The following JAK1 variants were observed in gnomAD, a reference collection of about 807,000 sequenced individuals.
JAK1 encodes the protein Janus kinase 1.
A neutral mutation model predicts 136.6 loss-of-function variants in JAK1; 16 were observed. That is an observed-to-expected ratio of 0.12 (90% CI 0.08 to 0.18). JAK1 has a LOEUF of 0.18. Among genes scored for constraint, JAK1 ranks in the 10% least tolerant of loss-of-function variants. The pLI is 1.00. For missense variants in JAK1, 859 were observed against 1,450.1 expected, an observed-to-expected ratio of 0.59 and a Z score of 6.62; for synonymous variants, 492 against 519.5, an observed-to-expected ratio of 0.95 and a Z score of 0.72.
In JAK1 at chr1:64,853,403, C is replaced by T. The variant is rs185920221; in HGVS notation, c.1648+2106G>A. Among the ~76,000 whole-genome samples the T allele has an allele frequency of 2.2e-4, 33 of 152,254 alleles. No homozygotes were observed. In the East Asian group the frequency reaches 2.9e-3, roughly 13 times the overall value. ...AATCACTGGACTTGGAGTCAGACAA[C>T]GTGAGTTCAAATCCCCACTCATCCT... On this transcript the variant is annotated intron_variant, in intron 11 of 24. Coordinates refer to ENST00000342505, the MANE Select transcript of JAK1 (RefSeq NM_002227.4).
At chr1:64,982,952 A>G (rs891918191) in intron 2 of JAK1, among the ~76,000 whole-genome samples, 1 of 152,170 alleles carries the variant, frequency 6.6e-6, no homozygotes, top group African/African-American at 2.4e-5. Context: ...TGAAGTTGGA[A>G]GAAGGTCACC....
At position 65,053,811 on chromosome 1, in the gene JAK1, CCT is replaced by C. The variant is rs202146219; in HGVS notation, c.-180-9231_-180-9230del. ...ACTCTAAGCCTGAGCTATGGAAGAC[CCT>C]GTCTCCCCTGGGCCCCCCAAAACAG... On this transcript the variant is annotated intron_variant, in intron 1 of 25. Transcript: ENST00000671954. 7.3e-3 allele frequency among the ~76,000 whole-genome samples: 1,106 copies of C among 152,328 alleles called. 17 individuals are homozygous for C. The highest frequency in any genetic ancestry group is 0.025 in the African/African-American group (1,052 of 41,576).
At chr1:65,040,569 A>T (rs1376937748) in intron 2 of JAK1, among the ~76,000 whole-genome samples, 4 of 152,088 alleles carry the variant, frequency 2.6e-5, no homozygotes, top group Non-Finnish European at 4.4e-5. Flanking sequence ...GGTTCCAGGG[A>T]TCAGAATGTG....
At chr1:64,838,242 A>G (rs1447338203) in intron 21 of JAK1, 138 bp from the exon 22 acceptor site, 4 of 955,950 alleles carry the variant, frequency 4.2e-6, no homozygotes, top group Non-Finnish European at 6.1e-6. Flanking sequence ...CTTTTATGCA[A>G]GAATATTAAG....
At chr1:64,910,797 T>G (rs531050345) in intron 1 of JAK1, among the ~76,000 whole-genome samples, 1 of 147,236 alleles carries the variant, frequency 6.8e-6, no homozygotes, top group East Asian at 2.1e-4. Context: ...TGAGTCGAGA[T>G]TGCGCCACTG....
intron 1 of JAK1, among the ~76,000 whole-genome samples, chr1:65,056,822 G>C (rs1647560656): frequency 1.3e-5 from 2 of 151,388 alleles, no homozygotes; most frequent in Admixed American, 6.6e-5. Context: ...TACTCGGCAG[G>C]CTGAGGCATA....
intron 1 of JAK1, among the ~76,000 whole-genome samples, chr1:64,955,388 G>T (rs4244165): frequency 0.53 from 80,489 of 151,930 alleles, 25,435 homozygotes; most frequent in Non-Finnish European, 0.72. Context: ...ATTTGAAGGG[G>T]CCTTGAAAGC....
chr1:65,023,878 TG>T (rs568115574), intron 2 of JAK1, among the ~76,000 whole-genome samples: 48 of 151,554 alleles, frequency 3.2e-4, no homozygotes, highest in African/African-American at 1.1e-3. Context: ...ATTTTGCATC[TG>T]GTGTCTTTCA....
In JAK1 at chr1:64,939,921, G is replaced by A. The variant is rs530433669; in HGVS notation, c.-78+26412C>T. Among the ~76,000 whole-genome samples the A allele has an allele frequency of 2.6e-5, 4 of 152,274 alleles. No homozygotes were observed. The East Asian group carries it at 7.7e-4, about 29-fold the overall frequency. On this transcript the variant is annotated intron_variant, in intron 1 of 24. Coordinates refer to ENST00000342505, the MANE Select transcript of JAK1 (RefSeq NM_002227.4). ...GCAAATATACTCCTGTGTTGTAATA[G>A]TGCTAAGTTTCATTGTTTTGAAGCA...
At chr1:64,862,679 T>C (rs1656425223) in intron 8 of JAK1, among the ~76,000 whole-genome samples, 1 of 152,190 alleles carries the variant, frequency 6.6e-6, no homozygotes, top group Non-Finnish European at 1.5e-5. Context: ...GCTCATAAAA[T>C]GTGCACCAGG....
chr1:64,913,344 A>G (rs1252110905), intron 1 of JAK1, among the ~76,000 whole-genome samples: 2 of 152,090 alleles, frequency 1.3e-5, no homozygotes, highest in Admixed American at 6.5e-5. Context: ...GGAACATATG[A>G]CCACCCTACT....
rs115136837 is a variant in JAK1 at position 64,902,181 on chromosome 1, A to G, written c.-77-15840T>C. Among the ~76,000 whole-genome samples the G allele has an allele frequency of 2.9e-3, 438 of 152,312 alleles. 1 individual carries two copies. The highest frequency in any genetic ancestry group is 0.01 in the African/African-American group (418 of 41,562). On this transcript the variant is annotated intron_variant, in intron 1 of 24. Transcript: ENST00000342505. ...GAGGAAACTGAGGCTCAAAGACATTACATAATTTGCCAAATGTCATTGTAG... is the reference window on the plus strand; with the variant it reads ...GAGGAAACTGAGGCTCAAAGACATTGCATAATTTGCCAAATGTCATTGTAG...
chr1:64,862,025 A>T (rs539710120), intron 8 of JAK1, among the ~76,000 whole-genome samples: 1 of 152,332 alleles, frequency 6.6e-6, no homozygotes, highest in Admixed American at 6.5e-5. Context: ...AGATGTAGAG[A>T]GAAGTGATAC....
chr1:65,008,497 C>T (rs1420006172), intron 2 of JAK1, among the ~76,000 whole-genome samples: 1 of 152,022 alleles, frequency 6.6e-6, no homozygotes, highest in African/African-American at 2.4e-5. Flanking sequence ...GTCTTAAAAT[C>T]CTGGCCTCAA....
At chr1:64,842,138 A>G (rs1201673841) in intron 17 of JAK1, among the ~76,000 whole-genome samples, 1 of 152,232 alleles carries the variant, frequency 6.6e-6, no homozygotes, top group Non-Finnish European at 1.5e-5. Flanking sequence ...CTCAGTATTA[A>G]ATGAAAAAAC....
At chr1:64,878,711 G>A (rs1038352525) in intron 4 of JAK1, among the ~76,000 whole-genome samples, 6 of 151,334 alleles carry the variant, frequency 4.0e-5, no homozygotes, top group Non-Finnish European at 7.4e-5. Flanking sequence ...TCATAACTGT[G>A]AATCCACTAA....
chr1:64,946,585 T>C (rs1272400486), intron 1 of JAK1, among the ~76,000 whole-genome samples: 1 of 152,218 alleles, frequency 6.6e-6, no homozygotes, highest in African/African-American at 2.4e-5. Flanking sequence ...AAGGTGTTTG[T>C]TGAATAAAGC....
intron 2 of JAK1, among the ~76,000 whole-genome samples, chr1:65,001,135 T>TC (rs1361964469): frequency 6.6e-6 from 1 of 152,154 alleles, no homozygotes; most frequent in Non-Finnish European, 1.5e-5. Context: ...ATTAAACCCC[T>TC]CCCAAAAATG....
At chr1:64,898,996 C>T (rs1476329879) in intron 1 of JAK1, among the ~76,000 whole-genome samples, 8 of 152,178 alleles carry the variant, frequency 5.3e-5, no homozygotes, top group African/African-American at 9.7e-5. Flanking sequence ...GCAAAGTTGG[C>T]TTAACTGCTC....
Sources: gnomAD v4.1 joint callset for allele counts (sites outside exome capture counted in the v4.1 genomes callset) on GRCh38, gnomAD v4.1.1 for gene constraint, MANE v1.5 for transcripts, NCBI Gene and HGNC (gene_info 2026-07-23, HGNC 2026-07-21) for gene names.